ACAP3: variants seen among roughly 807,000 people sequenced by gnomAD.
The protein encoded by ACAP3 is arf-GAP with coiled-coil, ANK repeat and PH domain-containing protein 3.
In ACAP3, 56 loss-of-function variants were observed where a neutral mutation model predicts 104.1. The observed-to-expected ratio is 0.54, with a 90% CI of 0.43 to 0.67. The LOEUF (loss-of-function observed/expected upper bound fraction) is 0.67, where lower values mean the gene tolerates loss of function less well. Ranked by LOEUF, ACAP3 falls within the 30% of genes least tolerant of loss-of-function variation. The pLI, the probability that ACAP3 is intolerant of heterozygous loss-of-function variation, is 0.00. For synonymous variants in ACAP3, 628 were observed against 496.2 expected (o/e 1.27, Z -3.53); for missense variants, 1,208 against 1,174.9 (o/e 1.03, Z -0.41).
rs1398422824 is a variant in ACAP3, at chr1:1,293,432, G to A, written c.*132C>T. ...CCTCCTGGGCGAGCAGGGCCGCGGCGCCCCAGCACTGGGGCTGCCAGGTAT... is the reference window on the plus strand; with the variant it reads ...CCTCCTGGGCGAGCAGGGCCGCGGCACCCCAGCACTGGGGCTGCCAGGTAT... On this transcript the variant is annotated 3_prime_UTR_variant, in exon 24 of 24. Coordinates refer to ENST00000354700, the MANE Select transcript of ACAP3 (RefSeq NM_030649.3). The A allele has an allele frequency of 8.5e-6, 8 of 945,988 alleles. No individual in the cohort carries two copies. Among genetic ancestry groups the A allele is most frequent in the African/African-American group, 1.8e-5 (1 of 56,080 alleles). 58.6% of individuals were successfully genotyped at this position (945,988 alleles called of 1,614,324 possible).
intron 1 of ACAP3, 90 bp downstream of exon 1, chr1:1,307,679 C>A (rs1235771408): frequency 2.9e-6 from 3 of 1,034,714 alleles, no homozygotes; most frequent in Non-Finnish European, 3.5e-6. Flanking sequence ...CGGCCCGGCC[C>A]GGCGCTGACC....
Position 1,303,631 on chromosome 1 carries a change from T to C in ACAP3, c.106-350A>G, listed in dbSNP as rs1470769965. 7 of 423,960 alleles carry C rather than the reference T, an allele frequency of 1.7e-5. No homozygotes were observed. The highest frequency in any genetic ancestry group is 6.2e-5 in the African/African-American group (3 of 48,222). 26.3% of individuals were successfully genotyped at this position (423,960 alleles called of 1,614,324 possible). On this transcript the variant is annotated intron_variant, in intron 2 of 23. Transcript: ENST00000354700. The surrounding 1 kb of genome is among the most constrained non-coding windows in gnomAD (Gnocchi z 4.0). ...TTGCCCCCTCCTCTTTCTCAGCCCA[T>C]GTGGGGCTCATGGACACGGCTCCCC...
At chr1:1,300,963 C>T (rs1641416851) in intron 5 of ACAP3, among the ~76,000 whole-genome samples, 1 of 152,182 alleles carries the variant, frequency 6.6e-6, no homozygotes, top group Non-Finnish European at 1.5e-5. Flanking sequence ...GATGGGGTTT[C>T]TCCAGGTTGG....
At chr1:1,295,322 A>G (rs1641076586) in intron 19 of ACAP3, 125 bp downstream of exon 19, 8 of 827,184 alleles carry the variant, frequency 9.7e-6, no homozygotes, top group South Asian at 3.3e-5. Flanking sequence ...CTGTGTGGCC[A>G]GGAGGCCCCC....
Position 1,297,940 on chromosome 1 carries a change from G to A in ACAP3, c.1017-7C>T, listed in dbSNP as rs1641265248. Reference sequence around the variant, plus strand: ...AGCCTGCAGCATGCAGCTCCTGCAGGCAGTGGAGGGGCGGGCGTCAGCTCC... The same window carrying A: ...AGCCTGCAGCATGCAGCTCCTGCAGACAGTGGAGGGGCGGGCGTCAGCTCC... On this transcript the variant is annotated splice_region_variant and splice_polypyrimidine_tract_variant and intron_variant, in intron 13 of 23. Transcript: ENST00000354700. 6.2e-7 allele frequency: 1 copy of A among 1,611,606 alleles called. No individual in the cohort carries two copies. The highest frequency in any genetic ancestry group is 1.3e-5 in the African/African-American group (1 of 75,012).
In ACAP3 at chr1:1,294,059, C is replaced by A. The variant is rs377694161; in HGVS notation, c.2249+31G>T. On this transcript the variant is annotated intron_variant, in intron 22 of 23. Transcript: ENST00000354700. ...CGGGCCGGGGTAGGCGTGGTCGGGG[C>A]ACAGGGCGGGGCGTGGGTTGCGCGT... 61 of 1,531,928 alleles carry A rather than the reference C, an allele frequency of 4.0e-5. No homozygotes were observed. The African/African-American group carries it at 6.9e-4, about 17-fold the overall frequency. The allele number at this position is 1,531,928 out of a possible 1,614,324, so 94.9% of individuals were successfully genotyped here.
At position 1,295,853 on chromosome 1, in the gene ACAP3, G is replaced by T; in HGVS notation, c.1588C>A (p.Pro530Thr). 1 of 1,611,688 alleles carries T rather than the reference G, an allele frequency of 6.2e-7. No individual in the cohort carries two copies. ...KAPMAPALEA[P>T]RRWRVQKCLR... Reference sequence around the variant, plus strand: ...CACTTCTGCACCCTCCAGCGTCTTGGGGCCTCCAGGGCTGGTGCCATGGGC... The same window carrying T: ...CACTTCTGCACCCTCCAGCGTCTTGTGGCCTCCAGGGCTGGTGCCATGGGC... The change falls in exon 18 of 24, where the codon CCA becomes ACA. Residue 530 changes from proline (P) to threonine (T), a missense_variant. Physicochemically the swap from Pro to Thr is conservative, Grantham distance 38. Coordinates refer to ENST00000354700, the MANE Select transcript of ACAP3 (RefSeq NM_030649.3).
Position 1,293,502 on chromosome 1 carries a change from G to A in ACAP3, c.*62C>T, listed in dbSNP as rs1640933041. 7.3e-7 allele frequency: 1 copy of A among 1,363,914 alleles called. No individual in the cohort carries two copies. The highest frequency in any genetic ancestry group is 1.5e-5 in the South Asian group (1 of 64,596). 84.5% of individuals were successfully genotyped at this position (1,363,914 alleles called of 1,614,324 possible). On this transcript the variant is annotated 3_prime_UTR_variant, in exon 24 of 24. Coordinates refer to ENST00000354700, the MANE Select transcript of ACAP3 (RefSeq NM_030649.3). Reference sequence around the variant, plus strand: ...AGGGCCGCGGCCGGGTGGGCGCCAGGGACTTCGGGGCATGCGGGGCGTCGG... The same window carrying A: ...AGGGCCGCGGCCGGGTGGGCGCCAGAGACTTCGGGGCATGCGGGGCGTCGG...
At chr1:1,296,682 T>C (rs1350156801) in intron 14 of ACAP3, 49 bp from the exon 15 acceptor site, 2 of 1,511,054 alleles carry the variant, frequency 1.3e-6, no homozygotes, top group Non-Finnish European at 1.8e-6. Flanking sequence ...TCCAGCATGG[T>C]TTCCCCAGCA....
rs764700641 is a variant in ACAP3, at chr1:1,296,074, C to T, written c.1443G>A (p.Gln481=). The T allele has an allele frequency of 6.2e-7, 1 of 1,612,682 alleles. No homozygotes were observed. The highest frequency in any genetic ancestry group is 1.3e-5 in the African/African-American group (1 of 74,914). The change falls in exon 17 of 24, where the codon CAG becomes CAA. Residue 481 remains glutamine (Q), a synonymous_variant. Transcript: ENST00000354700. The part of the protein sequence containing the change: ...MCELGNSAVN[Q]IYEAQCEGAG... ...CACCCTCACACTGGGCCTCATAGATCTGATTCACAGCGCTGTTTCCAAGCT... is the reference window on the plus strand; with the variant it reads ...CACCCTCACACTGGGCCTCATAGATTTGATTCACAGCGCTGTTTCCAAGCT...
intron 12 of ACAP3, 125 bp downstream of exon 12, chr1:1,298,243 CCT>C (rs1641282672): frequency 6.3e-7 from 1 of 1,579,800 alleles, no homozygotes; most frequent in Admixed American, 1.8e-5. Flanking sequence ...CTCTCTGCTC[CCT>C]GACTGTTCCG....
At chr1:1,295,674 G>A in intron 18 of ACAP3, 62 bp downstream of exon 18, 1 of 1,554,452 alleles carries the variant, frequency 6.4e-7, no homozygotes, top group South Asian at 1.2e-5. Context: ...CCAGCCCCTT[G>A]ACGGAGTCCA....
At position 1,300,532 on chromosome 1, in the gene ACAP3, G is replaced by A. The variant is rs145180258; in HGVS notation, c.499C>T (p.Leu167=). ...ACCTGGAGCACATAGTCCAGTGCCA[G>A]GTGGCGGAAGCACTTCCTGGTGAGG... is the stretch of plus-strand genomic sequence containing the variant. ...LTLTRKCFRH[L]ALDYVLQINV... is the part of the protein sequence containing the mutation. The change falls in exon 6 of 24, where the codon CTG becomes TTG. Residue 167 remains leucine, a synonymous_variant. Transcript: ENST00000354700. The A allele has an allele frequency of 1.9e-6, 3 of 1,611,396 alleles. No homozygotes were observed. The African/African-American group carries it at 4.0e-5, about 22-fold the overall frequency.
At chr1:1,300,455 G>A (rs1641394555) in intron 6 of ACAP3, 54 bp downstream of exon 6, 1 of 1,533,662 alleles carries the variant, frequency 6.5e-7, no homozygotes, top group Non-Finnish European at 8.8e-7. Context: ...AGGCCGTTGA[G>A]GCCTCCATTC....
At chr1:1,294,970 T>C (rs1244524443) in intron 19 of ACAP3, 154 bp from the exon 20 acceptor site, 2 of 690,080 alleles carry the variant, frequency 2.9e-6, no homozygotes, top group African/African-American at 3.6e-5. Context: ...AGCTGCAGGC[T>C]AGGAGCAAAG....
In ACAP3 at chr1:1,293,709, C is replaced by T; in HGVS notation, c.2361-1G>A. 1 of 1,228,028 alleles carries T rather than the reference C, an allele frequency of 8.1e-7. No homozygotes were observed. The highest frequency in any genetic ancestry group is 1.0e-6 in the Non-Finnish European group (1 of 980,722). The allele number at this position is 1,228,028 out of a possible 1,614,324, so 76.1% of individuals were successfully genotyped here. On this transcript the variant is annotated splice_acceptor_variant, in intron 23 of 23. Coordinates refer to ENST00000354700, the MANE Select transcript of ACAP3 (RefSeq NM_030649.3). LOFTEE classifies it high-confidence loss of function. Reference sequence around the variant, plus strand: ...CTCCGCCATGCGCGCCAGACGGAGCCTACGGGGAGGCACAGCGTGAGACGC... The same window carrying T: ...CTCCGCCATGCGCGCCAGACGGAGCTTACGGGGAGGCACAGCGTGAGACGC...
chr1:1,301,019 G>A (rs181650863), intron 5 of ACAP3, among the ~76,000 whole-genome samples: 11 of 152,174 alleles, frequency 7.2e-5, no homozygotes, highest in Admixed American at 4.6e-4. Context: ...CACCCACCTC[G>A]GTCTCCCAAC....
chr1:1,302,985 C>G lies in ACAP3; in HGVS notation c.226-10G>C, dbSNP rs1473037389. ...ACCTCTGCAGACATTCCTGGAGGAGCAGATGGGAACCCGTGCTGAGATGGC... is the reference window on the plus strand; with the variant it reads ...ACCTCTGCAGACATTCCTGGAGGAGGAGATGGGAACCCGTGCTGAGATGGC... On this transcript the variant is annotated splice_polypyrimidine_tract_variant and intron_variant, in intron 3 of 23. Transcript: ENST00000354700. The G allele has an allele frequency of 2.5e-6, 4 of 1,608,796 alleles. No homozygotes were observed. Among genetic ancestry groups the G allele is most frequent in the Admixed American group, 1.7e-5 (1 of 59,730 alleles).
chr1:1,302,082 G>A (rs762710376), intron 4 of ACAP3, 36 bp from the exon 5 acceptor site: 2 of 1,448,594 alleles, frequency 1.4e-6, no homozygotes, highest in East Asian at 2.6e-5. Flanking sequence ...CTTGGGGTCT[G>A]TCCCGAAAGA....
Sources: gnomAD v4.1 joint callset for allele counts (sites outside exome capture counted in the v4.1 genomes callset) on GRCh38, gnomAD v4.1.1 for gene constraint, Gnocchi (gnomAD v3.1) non-coding constraint, MANE v1.5 for transcripts, NCBI Gene and HGNC (gene_info 2026-07-23, HGNC 2026-07-21) for gene names.